The following RIMS2 variants were observed in gnomAD, a reference collection of about 807,000 sequenced individuals.
RIMS2 encodes the protein regulating synaptic membrane exocytosis 2.
A neutral mutation model predicts 174.4 loss-of-function variants in RIMS2; 59 were observed. That is an observed-to-expected ratio of 0.34 (90% CI 0.27 to 0.42). The LOEUF (loss-of-function observed/expected upper bound fraction) is 0.42. Ranked by LOEUF, RIMS2 falls within the 10% of genes least tolerant of loss-of-function variation. The pLI, the probability that RIMS2 is intolerant of heterozygous loss-of-function variation, is 1.00. For missense variants in RIMS2, 1,620 were observed against 1,666.3 expected (o/e 0.97, Z 0.48); for synonymous variants, 606 against 572.5 (o/e 1.06, Z -0.84).
chr8:103,931,724 A>G, intron 12 of RIMS2, among the ~76,000 whole-genome samples: 1 of 152,090 alleles, frequency 6.6e-6, no homozygotes, highest in East Asian at 1.9e-4. Context: ...AAATACTAGA[A>G]TTTTTAGTCA....
chr8:103,778,982 A>G (rs545590447), intron 3 of RIMS2, among the ~76,000 whole-genome samples: 7 of 152,078 alleles, frequency 4.6e-5, no homozygotes, highest in Non-Finnish European at 1.0e-4. Flanking sequence ...TTTGATTTGC[A>G]TTTCTCTGAT....
intron 1 of RIMS2, among the ~76,000 whole-genome samples, chr8:103,530,243 A>T (rs183930073): frequency 6.6e-6 from 1 of 152,222 alleles, no homozygotes; most frequent in Non-Finnish European, 1.5e-5. Context: ...TGCTGAGTTT[A>T]TTTTAAAATG....
At chr8:103,963,300 A>C (rs895954804) in intron 15 of RIMS2, among the ~76,000 whole-genome samples, 2 of 152,204 alleles carry the variant, frequency 1.3e-5, no homozygotes, top group African/African-American at 4.8e-5. Context: ...ACATAGTATG[A>C]GTCAACAAAC....
In RIMS2 at chr8:103,919,556, T is replaced by C. The variant is rs1214242775; in HGVS notation, c.2083+1069T>C. Among the ~76,000 whole-genome samples the C allele has an allele frequency of 2.0e-5, 3 of 151,668 alleles. No individual in the cohort carries two copies. In the East Asian group the frequency reaches 5.8e-4, roughly 29 times the overall value. On this transcript the variant is annotated intron_variant, in intron 9 of 23. Transcript: ENST00000504942. ...GAGTCGAGGGTAAAACCAGAGAGAC[T>C]AGTGAGAAGGCTAATCTAGTGGCAA...
At chr8:103,656,227 G>C (rs1589783897) in intron 1 of RIMS2, among the ~76,000 whole-genome samples, 1 of 152,124 alleles carries the variant, frequency 6.6e-6, no homozygotes, top group East Asian at 1.9e-4. Flanking sequence ...TATTAAATAT[G>C]ATCAAGAAGA....
intron 19 of RIMS2, among the ~76,000 whole-genome samples, chr8:104,122,483 A>G (rs1277968188): frequency 6.6e-6 from 1 of 152,154 alleles, no homozygotes; most frequent in Non-Finnish European, 1.5e-5. Context: ...AGCAAAGGGA[A>G]AGAAAGAAAT....
intron 19 of RIMS2, among the ~76,000 whole-genome samples, chr8:104,174,373 T>C (rs2098857549): frequency 6.6e-6 from 1 of 151,594 alleles, no homozygotes; most frequent in Non-Finnish European, 1.5e-5. Context: ...GGAGGTTAAA[T>C]GGCAAGCTGA....
At chr8:103,584,372 A>G (rs2093786298) in intron 1 of RIMS2, among the ~76,000 whole-genome samples, 1 of 152,184 alleles carries the variant, frequency 6.6e-6, no homozygotes, top group Admixed American at 6.5e-5. Context: ...GAGGACATTA[A>G]TGAGCAATAA....
chr8:103,947,340 G>A (rs2084048551), intron 14 of RIMS2, among the ~76,000 whole-genome samples: 1 of 152,118 alleles, frequency 6.6e-6, no homozygotes, highest in South Asian at 2.1e-4. Context: ...CAGTCATGTG[G>A]CAGCTAATGA....
intron 23 of RIMS2, 31 bp from the exon 30 acceptor site, chr8:104,251,571 G>A: frequency 8.8e-7 from 1 of 1,131,382 alleles, no homozygotes; most frequent in South Asian, 1.2e-5. Context: ...CAGTTACACT[G>A]ACATCACTCT....
intron 1 of RIMS2, among the ~76,000 whole-genome samples, chr8:103,586,287 A>G (rs2093917161): frequency 1.3e-5 from 2 of 152,236 alleles, no homozygotes; most frequent in African/African-American, 4.8e-5. Context: ...CAATAGCTGC[A>G]GAATACACAT....
intron 1 of RIMS2, among the ~76,000 whole-genome samples, chr8:103,644,471 C>T (rs117651391): frequency 0.013 from 1,923 of 151,950 alleles, 12 homozygotes; most frequent in Middle Eastern, 0.027. Context: ...TTGGAATGGA[C>T]GAATGTAGGA....
intron 1 of RIMS2, among the ~76,000 whole-genome samples, chr8:103,672,704 AT>A (rs1223233147): frequency 1.3e-5 from 2 of 152,068 alleles, no homozygotes; most frequent in Non-Finnish European, 2.9e-5. Context: ...AGCACTGGGG[AT>A]TACAATTCTA....
intron 19 of RIMS2, among the ~76,000 whole-genome samples, chr8:104,067,558 TTTG>T (rs145948654): frequency 1.3e-5 from 2 of 151,292 alleles, no homozygotes; most frequent in African/African-American, 2.4e-5. Flanking sequence ...ACCTGGCTAA[TTTG>T]TTGTTGTTGT....
chr8:104,103,973 AG>A (rs1229035962), intron 19 of RIMS2, among the ~76,000 whole-genome samples: 1 of 152,186 alleles, frequency 6.6e-6, no homozygotes, highest in East Asian at 1.9e-4. Flanking sequence ...GTCTATCTGA[AG>A]GTAGAGGACT....
chr8:103,687,012 T>C (rs553744614), intron 1 of RIMS2, among the ~76,000 whole-genome samples: 1 of 152,278 alleles, frequency 6.6e-6, no homozygotes, highest in South Asian at 2.1e-4. Context: ...GGAGAGACTA[T>C]GTAGAATTGG....
chr8:104,243,514 A>G (rs186397000), intron 19 of RIMS2, among the ~76,000 whole-genome samples: 112 of 152,162 alleles, frequency 7.4e-4, no homozygotes, highest in Non-Finnish European at 1.0e-3. Flanking sequence ...GCGAAACCCC[A>G]TCTCTACTAA....
chr8:104,013,501 C>T, exon 18 of RIMS2: 2 of 1,613,850 alleles, frequency 1.2e-6, no homozygotes, highest in Non-Finnish European at 1.7e-6. Context: ...GAACAACGGC[C>T]TCTCCTTGAG....
intron 1 of RIMS2, among the ~76,000 whole-genome samples, chr8:103,638,898 CTATT>C (rs994106900): frequency 1.1e-4 from 17 of 151,974 alleles, no homozygotes; most frequent in Non-Finnish European, 2.1e-4. Context: ...TTCTCGACCT[CTATT>C]TATTTATTCA....
Sources: allele counts gnomAD v4.1 joint callset (sites outside exome capture counted in the v4.1 genomes callset), GRCh38; gene constraint gnomAD v4.1.1; transcripts MANE v1.5; gene names NCBI Gene and HGNC (gene_info 2026-07-23, HGNC 2026-07-21).